SPAG16: variants seen among roughly 807,000 people sequenced by gnomAD.
The protein encoded by SPAG16 is sperm-associated antigen 16 protein.
Under a neutral mutation model 80.4 loss-of-function variants are expected in SPAG16, and 86 were observed. The observed-to-expected ratio is 1.07, with a 90% CI of 0.90 to 1.28. SPAG16 has a LOEUF of 1.28. Among genes scored for constraint, SPAG16 ranks in the 50% most tolerant of loss-of-function variants. The probability of loss-of-function intolerance (pLI) is 0.00; values close to 1 mark genes in which losing one functional copy is unlikely to be tolerated. For missense variants in SPAG16, 870 were observed against 765.3 expected, an observed-to-expected ratio of 1.14 and a Z score of -1.61; for synonymous variants, 294 against 265.9, an observed-to-expected ratio of 1.11 and a Z score of -1.03.
rs570652767 is a variant in SPAG16 at position 213,778,107 on chromosome 2, A to G, written c.1071-84378A>G. Among the ~76,000 whole-genome samples, 25 of 152,206 alleles carry G rather than the reference A, an allele frequency of 1.6e-4. 1 individual carries two copies. Among genetic ancestry groups the G allele is most frequent in the African/African-American group, 5.5e-4 (23 of 41,528 alleles). ...TCTAAATATATAGAATGAACGTTAT[A>G]CTGTTTAATATTAAAGTGTTTGATT... is the stretch of plus-strand genomic sequence containing the variant. On this transcript the variant is annotated intron_variant, in intron 10 of 15. Coordinates refer to ENST00000331683, the MANE Select transcript of SPAG16 (RefSeq NM_024532.5).
chr2:213,422,229 T>G, intron 9 of SPAG16: 1 of 701,808 alleles, frequency 1.4e-6, no homozygotes, highest in East Asian at 2.7e-5. Context: ...TTTGGGGCTG[T>G]GCAGTTTCAG....
intron 15 of SPAG16, among the ~76,000 whole-genome samples, chr2:214,161,459 C>T (rs1180828162): frequency 2.0e-5 from 3 of 152,128 alleles, no homozygotes; most frequent in African/African-American, 7.2e-5. Flanking sequence ...ACCTCACCAG[C>T]ATCTGTTGTT....
At chr2:214,205,131 G>T (rs2058105756) in intron 15 of SPAG16, among the ~76,000 whole-genome samples, 1 of 151,952 alleles carries the variant, frequency 6.6e-6, no homozygotes, top group South Asian at 2.1e-4. Context: ...CAAGAGGCTG[G>T]GAGAATTGCT....
intron 15 of SPAG16, among the ~76,000 whole-genome samples, chr2:214,365,723 G>A (rs1388671542): frequency 1.3e-5 from 2 of 151,982 alleles, no homozygotes; most frequent in Non-Finnish European, 2.9e-5. Context: ...TGTGAAAAAT[G>A]ACATTCAAAA....
intron 12 of SPAG16, among the ~76,000 whole-genome samples, chr2:213,952,806 A>G (rs897815365): frequency 2.0e-5 from 3 of 152,096 alleles, no homozygotes; most frequent in East Asian, 3.8e-4. Flanking sequence ...TAGCTGAAAT[A>G]TGGGTGTCAA....
intron 12 of SPAG16, among the ~76,000 whole-genome samples, chr2:213,998,443 G>T (rs2046629763): frequency 6.6e-6 from 1 of 152,270 alleles, no homozygotes; most frequent in South Asian, 2.1e-4. Flanking sequence ...GCCTCCATAA[G>T]AAGTGCCTTT....
At chr2:213,612,115 T>G (rs1466847242) in intron 10 of SPAG16, among the ~76,000 whole-genome samples, 2 of 152,176 alleles carry the variant, frequency 1.3e-5, no homozygotes, top group Non-Finnish European at 2.9e-5. Context: ...TAAATACCTA[T>G]AGCAAAAATA....
intron 12 of SPAG16, among the ~76,000 whole-genome samples, chr2:213,943,050 G>A (rs2079278113): frequency 6.6e-6 from 1 of 152,148 alleles, no homozygotes; most frequent in African/African-American, 2.4e-5. Flanking sequence ...ACCAGAAAGT[G>A]GGCTTTCACC....
intron 15 of SPAG16, among the ~76,000 whole-genome samples, chr2:214,166,458 A>G (rs2056659910): frequency 6.6e-6 from 1 of 152,150 alleles, no homozygotes; most frequent in African/African-American, 2.4e-5. Context: ...ATTACTCTCC[A>G]GCTACAGCTC....
chr2:213,802,121 C>A (rs1475461149), intron 10 of SPAG16, among the ~76,000 whole-genome samples: 1 of 152,126 alleles, frequency 6.6e-6, no homozygotes, highest in African/African-American at 2.4e-5. Flanking sequence ...TGAGATTATA[C>A]AGTTGTTTTT....
At chr2:214,250,536 CT>C (rs1475606491) in intron 15 of SPAG16, among the ~76,000 whole-genome samples, 1 of 149,670 alleles carries the variant, frequency 6.7e-6, no homozygotes, top group Non-Finnish European at 1.5e-5. Context: ...AAGTTAAAAG[CT>C]TTCTAATTGT....
chr2:213,293,712 C>T (rs574273103), intron 1 of SPAG16, among the ~76,000 whole-genome samples: 2 of 152,278 alleles, frequency 1.3e-5, no homozygotes, highest in East Asian at 3.9e-4. Flanking sequence ...CAGATTCTAC[C>T]AGATAAACCA....
intron 9 of SPAG16, among the ~76,000 whole-genome samples, chr2:213,437,447 T>C (rs2070710276): frequency 6.6e-6 from 1 of 152,244 alleles, no homozygotes; most frequent in Non-Finnish European, 1.5e-5. Flanking sequence ...ACCTTTATGT[T>C]GTTACTACTA....
intron 12 of SPAG16, among the ~76,000 whole-genome samples, chr2:214,009,011 T>C (rs924394198): frequency 1.3e-5 from 2 of 152,162 alleles, no homozygotes; most frequent in African/African-American, 4.8e-5. Context: ...ATGCAGTAAA[T>C]TATCTCCACT....
chr2:213,988,329 C>T (rs1215671893), intron 12 of SPAG16, among the ~76,000 whole-genome samples: 2 of 151,830 alleles, frequency 1.3e-5, no homozygotes, highest in Non-Finnish European at 2.9e-5. Context: ...GGAGCATCAT[C>T]GAGATAGACT....
intron 10 of SPAG16, among the ~76,000 whole-genome samples, chr2:213,831,034 C>CTTTTTTTTTTT (rs34523016): frequency 1.2e-5 from 1 of 80,800 alleles, no homozygotes; most frequent in African/African-American, 4.5e-5. Flanking sequence ...TGAAACATGA[C>CTTTTTTTTTTT]TTTTTTTTTT....
chr2:213,290,933 A>G (rs1202127211), intron 1 of SPAG16, among the ~76,000 whole-genome samples: 1 of 152,158 alleles, frequency 6.6e-6, no homozygotes, highest in Admixed American at 6.5e-5. Context: ...AAGGGGATTG[A>G]TATCTCTACA....
chr2:213,923,637 G>T (rs1287056656), intron 11 of SPAG16, among the ~76,000 whole-genome samples: 2 of 152,214 alleles, frequency 1.3e-5, no homozygotes, highest in Admixed American at 1.3e-4. Flanking sequence ...TACCAGCTGG[G>T]TGTTTTCAGG....
At chr2:213,692,542 G>T (rs940977553) in intron 10 of SPAG16, among the ~76,000 whole-genome samples, 1 of 152,124 alleles carries the variant, frequency 6.6e-6, no homozygotes, top group Admixed American at 6.5e-5. Context: ...GGGCATGGTG[G>T]CTCATGCTTG....
Sources: allele counts gnomAD v4.1 joint callset (sites outside exome capture counted in the v4.1 genomes callset), GRCh38; gene constraint gnomAD v4.1.1; transcripts MANE v1.5; gene names NCBI Gene and HGNC (gene_info 2026-07-23, HGNC 2026-07-21).